Variants in FGD5 observed in about 807,000 individuals in gnomAD.
The protein encoded by FGD5 is FYVE, RhoGEF and PH domain containing 5, also known as FYVE, RhoGEF and PH domain-containing protein 5.
In FGD5, 28 loss-of-function variants were observed where a neutral mutation model predicts 133.4. The observed-to-expected ratio is 0.21, with a 90% CI of 0.16 to 0.29. FGD5 has a LOEUF of 0.29. Ranked by LOEUF, FGD5 falls within the 10% of genes least tolerant of loss-of-function variation. FGD5 has a pLI of 1.00. For missense variants in FGD5, 1,858 were observed against 1,895.2 expected (o/e 0.98, Z 0.36); for synonymous variants, 810 against 776.5 (o/e 1.04, Z -0.72).
intron 2 of FGD5, among the ~76,000 whole-genome samples, chr3:14,876,752 A>C (rs983746413): frequency 6.6e-6 from 1 of 152,232 alleles, no homozygotes; most frequent in Non-Finnish European, 1.5e-5. Flanking sequence ...AGGACTTTAC[A>C]TACCTCAGAG....
chr3:14,863,349 C>T (rs2037436527), intron 1 of FGD5, among the ~76,000 whole-genome samples: 1 of 152,042 alleles, frequency 6.6e-6, no homozygotes, highest in Admixed American at 6.6e-5. Context: ...CTGAGAGCCC[C>T]TGCTGTGGGG....
chr3:14,933,034 C>G, intron 19 of FGD5, 97 bp from the exon 20 acceptor site: 1 of 1,386,096 alleles, frequency 7.2e-7, no homozygotes, highest in South Asian at 1.2e-5. Flanking sequence ...TGACTTCAAA[C>G]TAAGAGGAAT....
rs761762617 is a variant in FGD5 at position 14,820,792 on chromosome 3, A to G, written c.1721A>G (p.His574Arg). Residue 574 changes from histidine to arginine, a missense_variant, in exon 1 of 20, where the codon CAC becomes CGC. Physicochemically the swap from His to Arg is conservative, Grantham distance 29. Transcript: ENST00000285046. ...QEPEGSGLDD[H>R]RIKRKEDNLS... is the part of the protein sequence containing the mutation. The stretch of plus-strand genomic sequence containing the variant: ...CCTGAGGGGTCAGGGTTGGATGACC[A>G]CAGGATAAAGAGGAAAGAGGACAAT... 1 of 1,613,876 alleles carries G rather than the reference A, an allele frequency of 6.2e-7. No homozygotes were observed. Among genetic ancestry groups the G allele is most frequent in the Non-Finnish European group, 8.5e-7 (1 of 1,179,844 alleles).
At chr3:14,928,980 A>G (rs1024594493) in intron 18 of FGD5, among the ~76,000 whole-genome samples, 2 of 152,066 alleles carry the variant, frequency 1.3e-5, no homozygotes, top group African/African-American at 4.8e-5. Flanking sequence ...CAAATATACT[A>G]TTTGGTGAGT....
intron 1 of FGD5, among the ~76,000 whole-genome samples, chr3:14,846,996 G>A (rs2037064235): frequency 6.6e-6 from 1 of 152,156 alleles, no homozygotes; most frequent in Non-Finnish European, 1.5e-5. Flanking sequence ...CCATCCCTCT[G>A]TTTTGTGATA....
intron 2 of FGD5, among the ~76,000 whole-genome samples, chr3:14,874,402 T>A (rs2037675671): frequency 6.6e-6 from 1 of 152,102 alleles, no homozygotes; most frequent in Non-Finnish European, 1.5e-5. Context: ...ATGCCTGTGG[T>A]CCCAGCTACT....
chr3:14,830,865 T>G (rs1010238000), intron 1 of FGD5, among the ~76,000 whole-genome samples: 1 of 152,140 alleles, frequency 6.6e-6, no homozygotes, highest in Non-Finnish European at 1.5e-5. Context: ...CTCTCTGAGC[T>G]CCACATACAG....
chr3:14,927,294 A>C (rs1368377472), intron 18 of FGD5, among the ~76,000 whole-genome samples: 1 of 152,166 alleles, frequency 6.6e-6, no homozygotes, highest in Non-Finnish European at 1.5e-5. Context: ...CAAACTGAAC[A>C]GTTGTCATGG....
At chr3:14,911,601 G>A (rs2038450457) in intron 11 of FGD5, among the ~76,000 whole-genome samples, 1 of 151,950 alleles carries the variant, frequency 6.6e-6, no homozygotes, top group African/African-American at 2.4e-5. Context: ...GGAGAGACAG[G>A]CTGTGGTAAG....
At chr3:14,878,725 CTT>C (rs571884717) in intron 2 of FGD5, among the ~76,000 whole-genome samples, 2,280 of 133,522 alleles carry the variant, frequency 0.017, 55 homozygotes, top group African/African-American at 0.056. Context: ...AAAGCCCATG[CTT>C]TTTTTTTTTT....
intron 1 of FGD5, among the ~76,000 whole-genome samples, chr3:14,826,271 C>T (rs2125073219): frequency 6.6e-6 from 1 of 152,278 alleles, no homozygotes; most frequent in Middle Eastern, 3.4e-3. Context: ...CTTCCTCTCC[C>T]TCCCTTTCTC....
chr3:14,922,070 C>T lies in FGD5; in HGVS notation c.3669+53C>T. 6.5e-7 allele frequency: 1 copy of T among 1,529,676 alleles called. No individual in the cohort carries two copies. Among genetic ancestry groups the T allele is most frequent in the East Asian group, 2.4e-5 (1 of 40,818 alleles). 94.8% of individuals were successfully genotyped at this position (1,529,676 alleles called of 1,614,324 possible). ...CACCAGCTTCAGAGACCTGGGGTTC[C>T]CTGGGCGGGCATTGCTGTTGCCACT... On this transcript the variant is annotated intron_variant, in intron 14 of 19. Coordinates refer to ENST00000285046, the MANE Select transcript of FGD5 (RefSeq NM_152536.4). This position sits in a 1 kb window ranked among gnomAD's most constrained non-coding sequence, Gnocchi z 4.1.
At chr3:14,869,858 T>C (rs2037572716) in intron 2 of FGD5, among the ~76,000 whole-genome samples, 1 of 152,246 alleles carries the variant, frequency 6.6e-6, no homozygotes, top group African/African-American at 2.4e-5. Flanking sequence ...ATGCATGGGT[T>C]GCTTTCACCT....
intron 4 of FGD5, among the ~76,000 whole-genome samples, chr3:14,890,602 C>G (rs1213379458): frequency 6.6e-6 from 1 of 152,172 alleles, no homozygotes; most frequent in Admixed American, 6.5e-5. Flanking sequence ...GAGGCTGGCA[C>G]TCAGCACTTC....
chr3:14,868,001 A>G (rs2037530166), intron 2 of FGD5, among the ~76,000 whole-genome samples: 1 of 152,190 alleles, frequency 6.6e-6, no homozygotes, highest in Middle Eastern at 3.4e-3. Context: ...TTTTGGGAGC[A>G]GGACAGGAGG....
intron 2 of FGD5, among the ~76,000 whole-genome samples, chr3:14,869,580 T>G (rs2037565290): frequency 6.6e-6 from 1 of 152,152 alleles, no homozygotes; most frequent in South Asian, 2.1e-4. Context: ...TCTGCCCCCT[T>G]TAGACACTGA....
chr3:14,835,460 A>G (rs1052316767), intron 1 of FGD5, among the ~76,000 whole-genome samples: 3 of 151,944 alleles, frequency 2.0e-5, no homozygotes, highest in African/African-American at 7.3e-5. Flanking sequence ...AGATCACGCC[A>G]CTGCACTCCA....
intron 16 of FGD5, among the ~76,000 whole-genome samples, chr3:14,923,757 A>T (rs889958585): frequency 1.1e-4 from 17 of 152,332 alleles, no homozygotes; most frequent in African/African-American, 3.4e-4. Context: ...CAGAGAAGAC[A>T]GCCCAGTCCC....
intron 18 of FGD5, among the ~76,000 whole-genome samples, chr3:14,930,310 T>C (rs1242539679): frequency 2.0e-5 from 3 of 152,166 alleles, no homozygotes; most frequent in Non-Finnish European, 2.9e-5. Context: ...TTTTTAAGAC[T>C]GTTTCAAGGC....
Sources: allele counts gnomAD v4.1 joint callset (sites outside exome capture counted in the v4.1 genomes callset), GRCh38; gene constraint gnomAD v4.1.1; non-coding constraint Gnocchi (gnomAD v3.1); transcripts MANE v1.5; gene names NCBI Gene and HGNC (gene_info 2026-07-23, HGNC 2026-07-21).